The following BRCA1 variants were observed in gnomAD, a reference collection of about 807,000 sequenced individuals.
The protein encoded by BRCA1 is BRCA1 DNA repair associated, also known as breast cancer type 1 susceptibility protein.
A neutral mutation model predicts 173.7 loss-of-function variants in BRCA1; 140 were observed. The ratio of observed to expected loss-of-function variants is 0.81; its 90% CI spans 0.70 to 0.93. The LOEUF is 0.93. Ranked by LOEUF, BRCA1 falls within the 40% of genes least tolerant of loss-of-function variation. The pLI, the probability that BRCA1 is intolerant of heterozygous loss-of-function variation, is 0.00. For synonymous variants in BRCA1, 662 were observed against 756.0 expected (o/e 0.88, Z 2.04); for missense variants, 1,983 against 2,172.5 (o/e 0.91, Z 1.73).
At chr17:43,107,582 T>G (rs1293885537) in intron 3 of BRCA1, among the ~76,000 whole-genome samples, 2 of 151,994 alleles carry the variant, frequency 1.3e-5, no homozygotes, top group Non-Finnish European at 2.9e-5. Context: ...TGTTGGCTAG[T>G]CTTGAACTCC....
chr17:43,079,524 G>A (rs549762124), intron 12 of BRCA1: 30 of 1,058,528 alleles, frequency 2.8e-5, no homozygotes, highest in Admixed American at 1.2e-4. Context: ...TGTTGGCATC[G>A]CTGTAAACAA....
At chr17:43,163,595 C>T (rs1346912513) in intron 1 of BRCA1, 1 of 152,182 alleles carries the variant, frequency 6.6e-6, no homozygotes, top group Non-Finnish European at 1.5e-5. Context: ...CAATGTCTTT[C>T]TTTTTTTCCT....
Position 43,097,226 on chromosome 17 carries a change from AG to A in BRCA1, c.593+17del. On this transcript the variant is annotated intron_variant, in intron 8 of 22. Coordinates refer to ENST00000357654, the MANE Select transcript of BRCA1 (RefSeq NM_007294.4). ...AGGAAAATACCAGCTTCATAGACAA[AG>A]GTTCTCTTTGACTCACCTGCAATAA... The A allele has an allele frequency of 6.2e-7, 1 of 1,610,866 alleles. No homozygotes were observed. Among genetic ancestry groups the A allele is most frequent in the Non-Finnish European group, 8.5e-7 (1 of 1,177,352 alleles).
At chr17:43,170,176 A>G (rs2154581827) in exon 1 of BRCA1, 1 of 197,370 alleles carries the variant, frequency 5.1e-6, no homozygotes, top group East Asian at 1.7e-4. Flanking sequence ...CCTCGGAAGG[A>G]CCGAACACCT....
intron 1 of BRCA1, among the ~76,000 whole-genome samples, chr17:43,134,400 A>G (rs2055998621): frequency 6.6e-6 from 1 of 152,150 alleles, no homozygotes; most frequent in Admixed American, 6.5e-5. Flanking sequence ...TAAAAAGCAG[A>G]CAAGAGATTA....
chr17:43,117,138 AT>A (rs1264718571), intron 2 of BRCA1, among the ~76,000 whole-genome samples: 26 of 152,284 alleles, frequency 1.7e-4, no homozygotes, highest in Admixed American at 1.4e-3. Context: ...ACTAAAGGAA[AT>A]TTAGAAAATG....
intron 4 of BRCA1, among the ~76,000 whole-genome samples, chr17:43,106,118 TAAAA>T (rs766678487): frequency 1.6e-5 from 2 of 124,484 alleles, no homozygotes; most frequent in Non-Finnish European, 3.5e-5. Context: ...GACCCTGTCT[TAAAA>T]AAAAAAAAAA....
At chr17:43,081,421 A>G (rs754021358) in intron 12 of BRCA1, among the ~76,000 whole-genome samples, 10 of 152,218 alleles carry the variant, frequency 6.6e-5, no homozygotes, top group South Asian at 2.1e-4. Flanking sequence ...ACTGTTCTGT[A>G]TAAGTAGCAG....
At chr17:43,154,786 G>A (rs1207450057) in intron 1 of BRCA1, among the ~76,000 whole-genome samples, 1 of 151,732 alleles carries the variant, frequency 6.6e-6, no homozygotes, top group African/African-American at 2.4e-5. Flanking sequence ...AGTTGATGCA[G>A]AATTAAAGAA....
chr17:43,108,104 G>A (rs540855647), intron 3 of BRCA1, among the ~76,000 whole-genome samples: 109 of 152,182 alleles, frequency 7.2e-4, no homozygotes, highest in Non-Finnish European at 1.1e-3. Flanking sequence ...CAGCACTTGC[G>A]GGGTGGGTGA....
At chr17:43,053,288 C>T (rs968528956) in intron 19 of BRCA1, among the ~76,000 whole-genome samples, 11 of 152,174 alleles carry the variant, frequency 7.2e-5, no homozygotes, top group African/African-American at 2.7e-4. Flanking sequence ...CAAATGCTGA[C>T]ATGAAAAGTA....
chr17:43,079,788 TAA>T (rs56914599), intron 12 of BRCA1: 18,995 of 676,838 alleles, frequency 0.028, no homozygotes, highest in Admixed American at 0.032. Context: ...TAATAGGTGT[TAA>T]AAAAAAAAAA....
chr17:43,087,555 G>A (rs566941009), intron 11 of BRCA1, among the ~76,000 whole-genome samples: 46 of 151,872 alleles, frequency 3.0e-4, no homozygotes, highest in African/African-American at 1.0e-3. Context: ...CCAGCTACTC[G>A]GGAGGCTGAG....
At chr17:43,135,806 C>T (rs905512805) in intron 1 of BRCA1, among the ~76,000 whole-genome samples, 13 of 152,202 alleles carry the variant, frequency 8.5e-5, no homozygotes, top group African/African-American at 2.9e-4. Context: ...GACATCAGAG[C>T]CAGAGCTGGG....
chr17:43,124,740 C>T lies in BRCA1; in HGVS notation c.-20+531G>A, dbSNP rs146993095. The stretch of plus-strand genomic sequence containing the variant: ...GGTCCCATCCTCTCATACATACCAG[C>T]CGGTGTTTTTTGTTTTGTTTTGTTT... On this transcript the variant is annotated intron_variant, in intron 1 of 22. Coordinates refer to ENST00000357654, the MANE Select transcript of BRCA1 (RefSeq NM_007294.4). 128 of 203,476 alleles carry T rather than the reference C, an allele frequency of 6.3e-4. No homozygotes were observed. The Middle Eastern group carries it at 9.1e-3, about 15-fold the overall frequency. The allele number at this position is 203,476 out of a possible 1,614,324, so 12.6% of individuals were successfully genotyped here. A position where few individuals can be genotyped will look rare whatever the true frequency, so the allele number is the denominator to read the frequency against.
chr17:43,092,525 GT>G lies in BRCA1; in HGVS notation c.3005del (p.Asn1002ThrfsTer22), dbSNP rs80357601. 9 of 1,613,864 alleles carry G rather than the reference GT, an allele frequency of 5.6e-6. No homozygotes were observed. The highest frequency in any genetic ancestry group is 7.6e-6 in the Non-Finnish European group (9 of 1,179,994). On this transcript the variant is annotated frameshift_variant, in exon 10 of 23. Transcript: ENST00000357654. LOFTEE classifies it high-confidence loss of function. The part of the protein sequence containing the change: ...TKCKKNLLEE[N>X]FEEHSMSPER... ...CAGGTGACATTGAATGTTCCTCAAAGTTTTCCTCTAGCAGATTTTTCTTACA... is the reference window on the plus strand; with the variant it reads ...CAGGTGACATTGAATGTTCCTCAAAGTTTCCTCTAGCAGATTTTTCTTACA...
At chr17:43,065,654 T>TG (rs1312098492) in intron 16 of BRCA1, among the ~76,000 whole-genome samples, 2 of 151,664 alleles carry the variant, frequency 1.3e-5, no homozygotes, top group African/African-American at 4.9e-5. Context: ...GCAACAAGAG[T>TG]GAAAAACTAC....
At chr17:43,135,032 T>A (rs2056004762) in intron 1 of BRCA1, among the ~76,000 whole-genome samples, 1 of 152,230 alleles carries the variant, frequency 6.6e-6, no homozygotes, top group Admixed American at 6.5e-5. Flanking sequence ...TTGCCATGGT[T>A]TCGTTGTGGG....
intron 2 of BRCA1, among the ~76,000 whole-genome samples, chr17:43,117,690 G>A (rs1004631426): frequency 2.6e-5 from 4 of 152,124 alleles, no homozygotes; most frequent in Non-Finnish European, 4.4e-5. Context: ...AGTGAGCCAA[G>A]ATCGCGCCAC....
Sources: gnomAD v4.1 joint callset for allele counts (sites outside exome capture counted in the v4.1 genomes callset) on GRCh38, gnomAD v4.1.1 for gene constraint, MANE v1.5 for transcripts, NCBI Gene and HGNC (gene_info 2026-07-23, HGNC 2026-07-21) for gene names.